Variants in CTNND2 observed in about 807,000 individuals in gnomAD.
The protein encoded by CTNND2 is catenin delta-2.
In CTNND2, 22 loss-of-function variants were observed where a neutral mutation model predicts 144.4. That is an observed-to-expected ratio of 0.15 (90% confidence interval 0.11 to 0.22). The LOEUF (loss-of-function observed/expected upper bound fraction) is 0.22. Ranked by LOEUF, CTNND2 falls within the 10% of genes least tolerant of loss-of-function variation. The pLI, the probability that CTNND2 is intolerant of heterozygous loss-of-function variation, is 1.00. For synonymous variants in CTNND2, 751 were observed against 695.6 expected (o/e 1.08, Z -1.25); for missense variants, 1,353 against 1,618.8 (o/e 0.84, Z 2.82).
intron 2 of CTNND2, among the ~76,000 whole-genome samples, chr5:11,717,910 C>T (rs973252054): frequency 5.3e-5 from 8 of 152,128 alleles, no homozygotes; most frequent in Admixed American, 5.2e-4. Flanking sequence ...CACAGCCAAA[C>T]CATATCACTC....
intron 21 of CTNND2, among the ~76,000 whole-genome samples, chr5:10,976,226 G>A (rs939785916): frequency 1.3e-5 from 2 of 152,192 alleles, no homozygotes; most frequent in African/African-American, 4.8e-5. Flanking sequence ...TGCTCTTGTG[G>A]TATGGACGTT....
At chr5:11,640,279 T>C (rs1781932913) in intron 2 of CTNND2, among the ~76,000 whole-genome samples, 1 of 152,248 alleles carries the variant, frequency 6.6e-6, no homozygotes, top group South Asian at 2.1e-4. Flanking sequence ...ATTATGCACA[T>C]AAATTACATG....
At chr5:11,364,407 A>C (rs1161558711) in intron 8 of CTNND2, among the ~76,000 whole-genome samples, 1 of 152,258 alleles carries the variant, frequency 6.6e-6, no homozygotes, top group Non-Finnish European at 1.5e-5. Context: ...TACGTAAGTG[A>C]ATAACGATGG....
intron 9 of CTNND2, among the ~76,000 whole-genome samples, chr5:11,256,984 T>A (rs767806608): frequency 6.6e-6 from 1 of 152,178 alleles, no homozygotes; most frequent in Non-Finnish European, 1.5e-5. Context: ...CCAGACATTG[T>A]CAAATGTCCC....
intron 7 of CTNND2, among the ~76,000 whole-genome samples, chr5:11,377,629 G>A (rs10079444): frequency 3.3e-5 from 5 of 151,930 alleles, no homozygotes; most frequent in Non-Finnish European, 5.9e-5. Context: ...CTGTTTACCC[G>A]CATTTGATTT....
intron 18 of CTNND2, among the ~76,000 whole-genome samples, chr5:11,008,306 T>A (rs1285516697): frequency 2.6e-5 from 4 of 152,122 alleles, no homozygotes; most frequent in Non-Finnish European, 2.9e-5. Flanking sequence ...GAGAGATCAT[T>A]CTGAATATCC....
At chr5:10,989,739 C>A (rs1738450176) in intron 19 of CTNND2, among the ~76,000 whole-genome samples, 1 of 152,194 alleles carries the variant, frequency 6.6e-6, no homozygotes. Flanking sequence ...ATGCAGATCA[C>A]GTGGCTCTTC....
chr5:11,436,483 T>C (rs936168483), intron 3 of CTNND2, among the ~76,000 whole-genome samples: 11 of 152,224 alleles, frequency 7.2e-5, no homozygotes, highest in African/African-American at 2.7e-4. Context: ...GACAGGGCCT[T>C]GTTCCTCATC....
chr5:10,982,138 CCTT>C (rs1464992244), intron 20 of CTNND2, among the ~76,000 whole-genome samples: 6 of 152,186 alleles, frequency 3.9e-5, no homozygotes, highest in African/African-American at 1.4e-4. Flanking sequence ...AGTTTTATGG[CCTT>C]CTTTTCTGGT....
At chr5:11,882,367 A>G (rs1172113402) in intron 1 of CTNND2, among the ~76,000 whole-genome samples, 3 of 152,072 alleles carry the variant, frequency 2.0e-5, no homozygotes, top group Admixed American at 6.6e-5. Flanking sequence ...TATTACAGTT[A>G]AGTCTTTAAT....
chr5:11,739,285 C>T (rs893030766), intron 1 of CTNND2, among the ~76,000 whole-genome samples: 2 of 152,044 alleles, frequency 1.3e-5, no homozygotes, highest in African/African-American at 4.8e-5. Flanking sequence ...AATTGGAAGG[C>T]AGAACTGGTG....
chr5:11,022,580 G>A (rs765213019), intron 17 of CTNND2, among the ~76,000 whole-genome samples, 189 bp downstream of exon 17: 1 of 152,162 alleles, frequency 6.6e-6, no homozygotes, highest in Non-Finnish European at 1.5e-5. Flanking sequence ...TGGGTGTGCT[G>A]GATCGTCAAG....
In CTNND2 at chr5:11,493,007, G is replaced by A. The variant is rs188175321; in HGVS notation, c.287+71937C>T. 8.3e-4 allele frequency among the ~76,000 whole-genome samples: 127 copies of A among 152,294 alleles called. 1 individual carries two copies. Among genetic ancestry groups the A allele is most frequent in the Non-Finnish European group, 3.2e-4 (22 of 68,028 alleles). On this transcript the variant is annotated intron_variant, in intron 3 of 21. Transcript: ENST00000304623. ...GAATTGCTTGAACCTGGGAAGCAGA[G>A]GGAAGATTGCGCCACTACACTCCAG...
At chr5:11,283,651 G>A (rs1747395038) in intron 9 of CTNND2, among the ~76,000 whole-genome samples, 1 of 119,244 alleles carries the variant, frequency 8.4e-6, no homozygotes, top group East Asian at 2.4e-4. Flanking sequence ...TCCAGCCTGG[G>A]TGAAAGAGTG....
intron 9 of CTNND2, among the ~76,000 whole-genome samples, chr5:11,244,540 C>T (rs1742800374): frequency 6.6e-6 from 1 of 152,184 alleles, no homozygotes; most frequent in Non-Finnish European, 1.5e-5. Flanking sequence ...CCACCTTGGC[C>T]TCGCAAAGTG....
At chr5:11,635,893 C>T (rs1301341650) in intron 2 of CTNND2, among the ~76,000 whole-genome samples, 1 of 152,064 alleles carries the variant, frequency 6.6e-6, no homozygotes, top group East Asian at 1.9e-4. Context: ...CTCTTTAATG[C>T]CAGCATGTAT....
At chr5:11,342,353 G>T (rs16901523) in intron 9 of CTNND2, among the ~76,000 whole-genome samples, 1 of 152,126 alleles carries the variant, frequency 6.6e-6, no homozygotes, top group Non-Finnish European at 1.5e-5. Flanking sequence ...GGTTTGAAAC[G>T]GAACAAATCC....
chr5:11,660,953 T>C (rs1014887551), intron 2 of CTNND2, among the ~76,000 whole-genome samples: 2 of 152,126 alleles, frequency 1.3e-5, no homozygotes, highest in Non-Finnish European at 2.9e-5. Context: ...GAGTTGAAAA[T>C]GTGGCTTGAT....
intron 2 of CTNND2, among the ~76,000 whole-genome samples, chr5:11,675,008 T>C (rs112234983): frequency 2.0e-5 from 3 of 152,170 alleles, no homozygotes; most frequent in Non-Finnish European, 4.4e-5. Flanking sequence ...GATATTGCTA[T>C]ATTCTTTCCA....
Sources: gnomAD v4.1 joint callset for allele counts (sites outside exome capture counted in the v4.1 genomes callset) on GRCh38, gnomAD v4.1.1 for gene constraint, MANE v1.5 for transcripts, NCBI Gene and HGNC (gene_info 2026-07-23, HGNC 2026-07-21) for gene names.